Variants in ADGRL3 observed in about 807,000 individuals in gnomAD.
ADGRL3 encodes the protein calcium-independent alpha-latrotoxin receptor 3.
A neutral mutation model predicts 153.5 loss-of-function variants in ADGRL3; 62 were observed. The ratio of observed to expected loss-of-function variants is 0.40; its 90% CI spans 0.33 to 0.50. The LOEUF (loss-of-function observed/expected upper bound fraction) is 0.50. Ranked by LOEUF, ADGRL3 falls within the 20% of genes least tolerant of loss-of-function variation. The pLI, the probability that ADGRL3 is intolerant of heterozygous loss-of-function variation, is 0.47. For missense variants in ADGRL3, 1,641 were observed against 1,859.4 expected (o/e 0.88, Z 2.16); for synonymous variants, 710 against 672.5 (o/e 1.06, Z -0.86).
At chr4:61,885,911 G>A (rs1286857913) in intron 9 of ADGRL3, among the ~76,000 whole-genome samples, 1 of 152,122 alleles carries the variant, frequency 6.6e-6, no homozygotes, top group East Asian at 1.9e-4. Flanking sequence ...TGGCATGGTA[G>A]GGGCTAAATA....
chr4:61,471,307 G>T (rs1262305894), intron 2 of ADGRL3, among the ~76,000 whole-genome samples: 2 of 151,260 alleles, frequency 1.3e-5, no homozygotes, highest in Non-Finnish European at 3.0e-5. Flanking sequence ...TGTAATAGTA[G>T]TATCCAATTG....
chr4:61,848,621 GGGACAC>G (rs1486072340), intron 9 of ADGRL3, among the ~76,000 whole-genome samples: 1 of 151,918 alleles, frequency 6.6e-6, no homozygotes, highest in African/African-American at 2.4e-5. Context: ...ATCTTTTTGA[GGGACAC>G]AATTCAACCC....
chr4:61,624,208 A>C (rs2092698817), intron 5 of ADGRL3, among the ~76,000 whole-genome samples: 1 of 152,242 alleles, frequency 6.6e-6, no homozygotes, highest in East Asian at 1.9e-4. Flanking sequence ...GAAAAAAATA[A>C]AATCGATTTG....
chr4:61,805,586 T>A (rs941885388), intron 8 of ADGRL3, among the ~76,000 whole-genome samples: 5 of 152,160 alleles, frequency 3.3e-5, no homozygotes, highest in Non-Finnish European at 7.3e-5. Flanking sequence ...CCTAAACACA[T>A]AATTTCAATA....
At chr4:61,765,280 A>G in intron 8 of ADGRL3, among the ~76,000 whole-genome samples, 1 of 152,032 alleles carries the variant, frequency 6.6e-6, no homozygotes, top group Non-Finnish European at 1.5e-5. Flanking sequence ...TTTGGGGCAC[A>G]GTCTAAGTTG....
chr4:61,794,147 T>C (rs2152449907), intron 8 of ADGRL3, among the ~76,000 whole-genome samples: 1 of 152,292 alleles, frequency 6.6e-6, no homozygotes, highest in African/African-American at 2.4e-5. Flanking sequence ...AGATCATAGT[T>C]ATTTTTGTTG....
chr4:61,440,653 A>C (rs2097518480), intron 2 of ADGRL3, among the ~76,000 whole-genome samples: 1 of 145,418 alleles, frequency 6.9e-6, no homozygotes, highest in Middle Eastern at 3.5e-3. Context: ...TTGCTGTCTG[A>C]AAAATGTAAG....
At chr4:61,688,040 C>G (rs1465650532) in intron 6 of ADGRL3, among the ~76,000 whole-genome samples, 1 of 151,864 alleles carries the variant, frequency 6.6e-6, no homozygotes, top group Non-Finnish European at 1.5e-5. Flanking sequence ...TGTCATCATC[C>G]GAATAAGTAT....
rs143396564 is a variant in ADGRL3 at position 61,253,691 on chromosome 4, C to CCACACACACACACACACA, written c.-240+51931_-240+51948dup. On this transcript the variant is annotated intron_variant, in intron 1 of 26. Transcript: ENST00000683033. Reference sequence around the variant, plus strand: ...CACAACTTTGTTTGTATGTTCAGTTCCACACACACACACACACACACATAT... The same window carrying CCACACACACACACACACA: ...CACAACTTTGTTTGTATGTTCAGTTCCACACACACACACACACACACACACACACACACACACACATAT... Among the ~76,000 whole-genome samples, 7 of 140,500 alleles carry CCACACACACACACACACA rather than the reference C, an allele frequency of 5.0e-5. No homozygotes were observed. In the South Asian group the frequency reaches 8.9e-4, roughly 18 times the overall value. 92.2% of individuals were successfully genotyped at this position (140,500 alleles called of 152,430 possible).
Position 61,220,538 on chromosome 4 carries a change from T to G in ADGRL3, c.-240+18773T>G, listed in dbSNP as rs139026520. On this transcript the variant is annotated intron_variant, in intron 1 of 26. Coordinates refer to ENST00000683033, the MANE Select transcript of ADGRL3 (RefSeq NM_001387552.1). ...GTAATCTAATACACGGGCAGAAGGT[T>G]TAGTCATTATAAGATTCAGTTAGGA... Among the ~76,000 whole-genome samples, 459 of 152,284 alleles carry G rather than the reference T, an allele frequency of 3.0e-3. 3 individuals are homozygous for G. The highest frequency in any genetic ancestry group is 4.5e-3 in the Non-Finnish European group (305 of 68,014).
intron 4 of ADGRL3, among the ~76,000 whole-genome samples, chr4:61,525,797 T>A (rs2098555403): frequency 6.6e-6 from 1 of 151,992 alleles, no homozygotes; most frequent in East Asian, 1.9e-4. Context: ...ATTCACAAAA[T>A]TAGGATGTCA....
rs2093698507 is a variant in ADGRL3 at position 61,280,977 on chromosome 4, A to G, written c.-240+79212A>G. ...TGAAGAAACATATTGATAGGTAGAT[A>G]CAATAATATATAAAGCTCTGGAATA... On this transcript the variant is annotated intron_variant, in intron 1 of 26. Coordinates refer to ENST00000683033, the MANE Select transcript of ADGRL3 (RefSeq NM_001387552.1). 2.6e-5 allele frequency among the ~76,000 whole-genome samples: 4 copies of G among 152,114 alleles called. No individual in the cohort carries two copies. The South Asian group carries it at 8.3e-4, about 31-fold the overall frequency.
chr4:61,912,148 A>G (rs1048003573), intron 12 of ADGRL3, among the ~76,000 whole-genome samples: 3 of 152,194 alleles, frequency 2.0e-5, no homozygotes, highest in Non-Finnish European at 4.4e-5. Flanking sequence ...CATCCTTTCA[A>G]TCAGTAGCTA....
chr4:61,464,302 G>T (rs2097855692), intron 2 of ADGRL3, among the ~76,000 whole-genome samples: 1 of 152,076 alleles, frequency 6.6e-6, no homozygotes, highest in Admixed American at 6.6e-5. Context: ...TAAAAGTTTG[G>T]CATGTTAGAA....
intron 9 of ADGRL3, among the ~76,000 whole-genome samples, chr4:61,867,325 C>A (rs2098406307): frequency 6.6e-6 from 1 of 150,786 alleles, no homozygotes; most frequent in Admixed American, 6.6e-5. Context: ...ATGGGGAAAC[C>A]CTGTCTCTAC....
chr4:61,805,423 G>A (rs2097543405), intron 8 of ADGRL3, among the ~76,000 whole-genome samples: 1 of 152,250 alleles, frequency 6.6e-6, no homozygotes, highest in African/African-American at 2.4e-5. Flanking sequence ...CCTTGGCTCT[G>A]TCCTCTAGGG....
chr4:61,573,057 T>C (rs146874058), intron 4 of ADGRL3, among the ~76,000 whole-genome samples: 3 of 152,112 alleles, frequency 2.0e-5, no homozygotes, highest in African/African-American at 7.2e-5. Flanking sequence ...CAGTTACTTA[T>C]TAGCACAGAA....
chr4:61,555,707 C>T (rs1405786419), intron 4 of ADGRL3, among the ~76,000 whole-genome samples: 1 of 152,166 alleles, frequency 6.6e-6, no homozygotes, highest in African/African-American at 2.4e-5. Context: ...ATGGCTACTC[C>T]ATAGACAAAG....
intron 12 of ADGRL3, among the ~76,000 whole-genome samples, 169 bp from the exon 13 acceptor site, chr4:61,912,550 A>T (rs902638653): frequency 2.0e-5 from 3 of 152,178 alleles, no homozygotes; most frequent in Non-Finnish European, 4.4e-5. Context: ...TTTTTAAGCC[A>T]TTGCTTGCTT....
Sources: allele counts gnomAD v4.1 joint callset (sites outside exome capture counted in the v4.1 genomes callset), GRCh38; gene constraint gnomAD v4.1.1; transcripts MANE v1.5; gene names NCBI Gene and HGNC (gene_info 2026-07-23, HGNC 2026-07-21).